The following SOAT1 variants were observed in gnomAD, a reference collection of about 807,000 sequenced individuals.
SOAT1 encodes the protein sterol O-acyltransferase 1.
SOAT1 carries 55 observed loss-of-function variants against 69.5 expected under a neutral mutation model. The observed-to-expected ratio is 0.79, with a 90% CI of 0.64 to 0.99. SOAT1 has a LOEUF of 0.99. SOAT1 is among the 50% of genes least tolerant of loss of function. The pLI is 0.00. For missense variants in SOAT1, 580 were observed against 669.3 expected, an observed-to-expected ratio of 0.87 and a Z score of 1.47; for synonymous variants, 231 against 224.7, an observed-to-expected ratio of 1.03 and a Z score of -0.25.
At chr1:179,320,172 T>C (rs1665545841) in intron 2 of SOAT1, among the ~76,000 whole-genome samples, 1 of 152,144 alleles carries the variant, frequency 6.6e-6, no homozygotes, top group South Asian at 2.1e-4. Context: ...TTCTTCTATA[T>C]TTTTAGGTAT....
At position 179,325,036 on chromosome 1, in the gene SOAT1, C is replaced by T. The variant is rs143240928; in HGVS notation, c.177+1541C>T. Reference sequence around the variant, plus strand: ...CAGGATGGTCTCAATCTCCTGACCTCGTGATCCTCCTGCCTTGGCCTCCCA... The same window carrying T: ...CAGGATGGTCTCAATCTCCTGACCTTGTGATCCTCCTGCCTTGGCCTCCCA... On this transcript the variant is annotated intron_variant, in intron 3 of 15. Coordinates refer to ENST00000367619, the MANE Select transcript of SOAT1 (RefSeq NM_003101.6). 2.4e-3 allele frequency among the ~76,000 whole-genome samples: 372 copies of T among 152,038 alleles called. 2 individuals carry two copies. Among genetic ancestry groups the T allele is most frequent in the African/African-American group, 7.7e-3 (319 of 41,482 alleles).
In SOAT1 at chr1:179,320,878, C is replaced by T. The variant is rs569213353; in HGVS notation, c.119-2559C>T. On this transcript the variant is annotated intron_variant, in intron 2 of 15. Transcript: ENST00000367619. ...CTTCCCAAGTGTCAGGGACTACAGG[C>T]GCACGCCACCACGGCCTGTCAAATT... Among the ~76,000 whole-genome samples, 18 of 151,758 alleles carry T rather than the reference C, an allele frequency of 1.2e-4. No individual in the cohort carries two copies. In the East Asian group the frequency reaches 2.7e-3, roughly 23 times the overall value.
intron 1 of SOAT1, among the ~76,000 whole-genome samples, chr1:179,298,129 A>ACCTT (rs138616598): frequency 1.1e-4 from 1 of 8,802 alleles, no homozygotes; most frequent in African/African-American, 4.0e-4. Flanking sequence ...GACTTGATCT[A>ACCTT]ACTTGAGTGC....
At chr1:179,323,637 A>G (rs1665682822) in intron 3 of SOAT1, 142 bp downstream of exon 3, 1 of 700,310 alleles carries the variant, frequency 1.4e-6, no homozygotes, top group Non-Finnish European at 2.4e-6. Flanking sequence ...AGAAAATAAG[A>G]TCTGCTGACT....
chr1:179,307,423 G>C (rs1310946842), intron 2 of SOAT1, among the ~76,000 whole-genome samples: 1 of 152,182 alleles, frequency 6.6e-6, no homozygotes, highest in Non-Finnish European at 1.5e-5. Flanking sequence ...TGGTTTTGTT[G>C]TAAAGGTGAT....
chr1:179,302,912 A>T, intron 2 of SOAT1, 110 bp downstream of exon 2: 1 of 559,714 alleles, frequency 1.8e-6, no homozygotes, highest in Non-Finnish European at 3.1e-6. Flanking sequence ...ATGGGTATTG[A>T]TAGAGTTTTA....
intron 1 of SOAT1, among the ~76,000 whole-genome samples, chr1:179,295,805 ATTTTT>A (rs55761300): frequency 7.7e-6 from 1 of 130,344 alleles, no homozygotes; most frequent in Non-Finnish European, 1.6e-5. Flanking sequence ...CGCCCGGCTA[ATTTTT>A]TTTTTTTTTT....
At chr1:179,317,050 T>C (rs1268725663) in intron 2 of SOAT1, among the ~76,000 whole-genome samples, 2 of 152,202 alleles carry the variant, frequency 1.3e-5, no homozygotes, top group African/African-American at 4.8e-5. Context: ...TATGTTTTTA[T>C]GGTTTGTTTT....
chr1:179,302,149 G>C (rs1664852620), intron 1 of SOAT1, among the ~76,000 whole-genome samples: 1 of 151,704 alleles, frequency 6.6e-6, no homozygotes, highest in South Asian at 2.1e-4. Flanking sequence ...GATTTCTTCA[G>C]ATTTGTTATC....
intron 2 of SOAT1, among the ~76,000 whole-genome samples, chr1:179,314,420 A>G (rs951101811): frequency 1.3e-5 from 2 of 152,124 alleles, no homozygotes; most frequent in Non-Finnish European, 2.9e-5. Context: ...GTTAGGGAGA[A>G]CCCTGTGGAA....
chr1:179,319,345 C>T (rs1235240984), intron 2 of SOAT1, among the ~76,000 whole-genome samples: 1 of 150,444 alleles, frequency 6.6e-6, no homozygotes, highest in Non-Finnish European at 1.5e-5. Flanking sequence ...TCTCGGCTCA[C>T]TGCAACCTCC....
intron 1 of SOAT1, among the ~76,000 whole-genome samples, chr1:179,301,630 G>A (rs1162314642): frequency 6.6e-6 from 1 of 152,198 alleles, no homozygotes; most frequent in African/African-American, 2.4e-5. Context: ...GACACTGATA[G>A]TAACTACTTT....
At position 179,347,412 on chromosome 1, in the gene SOAT1, A is replaced by G. The variant is rs1666572604; in HGVS notation, c.1118-188A>G. Among the ~76,000 whole-genome samples, 5 of 151,480 alleles carry G rather than the reference A, an allele frequency of 3.3e-5. No homozygotes were observed. The South Asian group carries it at 1.0e-3, about 32-fold the overall frequency. On this transcript the variant is annotated intron_variant, in intron 11 of 15. Transcript: ENST00000367619. ...AATGTCATTTGTTGAACCCACTTTG[A>G]AGGAAGTTACTGTTTTAAAATTAAG... is the stretch of plus-strand genomic sequence containing the variant.
At position 179,341,320 on chromosome 1, in the gene SOAT1, T is replaced by A; in HGVS notation, c.780+10T>A. The A allele has an allele frequency of 6.2e-7, 1 of 1,612,732 alleles. No individual in the cohort carries two copies. The highest frequency in any genetic ancestry group is 8.5e-7 in the Non-Finnish European group (1 of 1,179,034). On this transcript the variant is annotated intron_variant, in intron 7 of 15. Coordinates refer to ENST00000367619, the MANE Select transcript of SOAT1 (RefSeq NM_003101.6). ...CATTATATTCGAGCAGGTAAGGTTT[T>A]AAGTGTTACCCAAGGCGATGCTGTC...
intron 1 of SOAT1, among the ~76,000 whole-genome samples, chr1:179,295,902 G>A (rs1664616607): frequency 1.8e-5 from 1 of 56,332 alleles, no homozygotes; most frequent in Non-Finnish European, 3.7e-5. Context: ...CCGGGTTCAA[G>A]CGATTCTCCG....
chr1:179,325,284 G>A (rs1274284554), intron 3 of SOAT1, among the ~76,000 whole-genome samples: 1 of 149,932 alleles, frequency 6.7e-6, no homozygotes, highest in Non-Finnish European at 1.5e-5. Flanking sequence ...CGAGTATTTG[G>A]GAGTACAGGT....
At chr1:179,350,999 T>G (rs1430225770) in intron 14 of SOAT1, among the ~76,000 whole-genome samples, 1 of 151,592 alleles carries the variant, frequency 6.6e-6, no homozygotes, top group Non-Finnish European at 1.5e-5. Context: ...TAAATTATGT[T>G]TTGATACCTG....
At chr1:179,351,017 CTTTCTTTTTTTTT>C (rs1558060569) in intron 14 of SOAT1, among the ~76,000 whole-genome samples, 1 of 13,942 alleles carries the variant, frequency 7.2e-5, no homozygotes, top group Admixed American at 9.8e-4. Flanking sequence ...CTGTATATTT[CTTTCTTTTTTTTT>C]TTTTTTTTTT....
chr1:179,341,119 T>C lies in SOAT1; in HGVS notation c.589T>C (p.Ser197Pro). ...TWWIMFLSTF[S>P]VPYFLFQHWA... is the part of the protein sequence containing the mutation. ...GTGGATCATGTTCCTGTCTACATTT[T>C]CAGTTCCCTATTTTCTGTTTCAACA... The change falls in exon 7 of 16, where the codon TCA becomes CCA. Residue 197 changes from serine to proline, a missense_variant. By Grantham distance (74) the Ser-to-Pro change is moderately conservative (BLOSUM62 -1). Transcript: ENST00000367619. 1.2e-6 allele frequency: 2 copies of C among 1,614,158 alleles called. No homozygotes were observed. The highest frequency in any genetic ancestry group is 1.7e-6 in the Non-Finnish European group (2 of 1,180,004).
Sources: allele counts gnomAD v4.1 joint callset (sites outside exome capture counted in the v4.1 genomes callset), GRCh38; gene constraint gnomAD v4.1.1; transcripts MANE v1.5; gene names NCBI Gene and HGNC (gene_info 2026-07-23, HGNC 2026-07-21).